Variants in GNPTAB observed in about 807,000 individuals in gnomAD.
GNPTAB encodes the protein N-acetylglucosamine-1-phosphotransferase subunits alpha/beta.
Under a neutral mutation model 136.6 loss-of-function variants are expected in GNPTAB, and 92 were observed. The ratio of observed to expected loss-of-function variants is 0.67; its 90% CI spans 0.57 to 0.80. GNPTAB has a LOEUF of 0.80. Ranked by LOEUF, GNPTAB falls within the 30% of genes least tolerant of loss-of-function variation. The probability of loss-of-function intolerance (pLI) is 0.00; values close to 1 mark genes in which losing one functional copy is unlikely to be tolerated. For missense variants in GNPTAB, 1,343 were observed against 1,501.8 expected, an observed-to-expected ratio of 0.89 and a Z score of 1.75; for synonymous variants, 512 against 535.1, an observed-to-expected ratio of 0.96 and a Z score of 0.60.
At chr12:101,813,602 A>G (rs1870348655) in intron 1 of GNPTAB, among the ~76,000 whole-genome samples, 1 of 152,248 alleles carries the variant, frequency 6.6e-6, no homozygotes, top group Non-Finnish European at 1.5e-5. Context: ...TTTGCGTGAT[A>G]GAGATACAAT....
At chr12:101,754,503 A>C (rs112303633) in intron 18 of GNPTAB, among the ~76,000 whole-genome samples, 48 of 152,276 alleles carry the variant, frequency 3.2e-4, no homozygotes, top group African/African-American at 1.1e-3. Context: ...AAAATCATGT[A>C]AATAATTGAG....
At chr12:101,747,295 A>G (rs1033018293) in intron 20 of GNPTAB, 54 bp from the exon 21 acceptor site, 20 of 1,026,120 alleles carry the variant, frequency 1.9e-5, no homozygotes, top group South Asian at 6.4e-5. Context: ...ATGAAAGAAT[A>G]TAAGTGCATC....
At chr12:101,825,303 C>G (rs1871033023) in intron 1 of GNPTAB, among the ~76,000 whole-genome samples, 1 of 152,164 alleles carries the variant, frequency 6.6e-6, no homozygotes, top group African/African-American at 2.4e-5. Flanking sequence ...AACAACAGGT[C>G]TCAGATTTTT....
rs12316297 is a variant in GNPTAB, at chr12:101,781,868, G to A, written c.572-1247C>T. On this transcript the variant is annotated intron_variant, in intron 5 of 20. Transcript: ENST00000299314. ...ATTCTACCTAACAGACCTGGTATAT[G>A]TATTTGTAATCTCAGCAAAGTAGCT... Among the ~76,000 whole-genome samples the A allele has an allele frequency of 0.026, 3,972 of 152,254 alleles. 354 individuals are homozygous for A. In the East Asian group the frequency reaches 0.31, roughly 12 times the overall value.
chr12:101,827,335 A>C (rs1026365050), intron 1 of GNPTAB, among the ~76,000 whole-genome samples: 1 of 152,028 alleles, frequency 6.6e-6, no homozygotes, highest in African/African-American at 2.4e-5. Context: ...TCCTGAGCTC[A>C]AGCAATTCTC....
chr12:101,786,183 T>C lies in GNPTAB; in HGVS notation c.400A>G (p.Ile134Val). The C allele has an allele frequency of 1.9e-6, 3 of 1,613,930 alleles. No homozygotes were observed. The highest frequency in any genetic ancestry group is 1.1e-5 in the South Asian group (1 of 91,042). Reference protein sequence around the residue: ...KQLECLLTHCIKVPMLVLDPA... With the variant: ...KQLECLLTHCVKVPMLVLDPA... ...TCCAGGACAAGCATTGGCACCTTAA[T>C]GCAGTGTGTTAGCAAACACTCTAAC... Residue 134 changes from isoleucine (I) to valine (V), a missense_variant, in exon 5 of 21, where the codon ATT (isoleucine) becomes GTT (valine). Physicochemically the swap from Ile to Val is conservative, Grantham distance 29. Transcript: ENST00000299314.
chr12:101,826,950 G>GTTTTTT lies in GNPTAB; in HGVS notation c.117+3603_117+3608dup, dbSNP rs902178707. Among the ~76,000 whole-genome samples, 23 of 62,358 alleles carry GTTTTTT rather than the reference G, an allele frequency of 3.7e-4. 3 individuals carry two copies. Among genetic ancestry groups the GTTTTTT allele is most frequent in the East Asian group, 4.8e-4 (1 of 2,078 alleles). 40.9% of individuals were successfully genotyped at this position (62,358 alleles called of 152,430 possible). On this transcript the variant is annotated intron_variant, in intron 1 of 20. Transcript: ENST00000299314. ...TCTGAAGGCTCTCCCTGTGGGAGTT[G>GTTTTTT]TTTTTTTTTTTTTTTTTTTTTTTTT...
chr12:101,746,175 A>C lies in GNPTAB; in HGVS notation c.*989T>G, dbSNP rs1421069007. The C allele has an allele frequency of 6.6e-6, 1 of 152,234 alleles. No individual in the cohort carries two copies. The highest frequency in any genetic ancestry group is 1.5e-5 in the Non-Finnish European group (1 of 68,040). The allele number at this position is 152,234 out of a possible 1,614,324, so 9.4% of individuals were successfully genotyped here. A position where few individuals can be genotyped will look rare whatever the true frequency, so the allele number is the denominator to read the frequency against. Reference sequence around the variant, plus strand: ...TACATTTTTAGAGGGTTGTTTGAAAAAAAACAAACTAAACAACAGCAAGAA... The same window carrying C: ...TACATTTTTAGAGGGTTGTTTGAAACAAAACAAACTAAACAACAGCAAGAA... On this transcript the variant is annotated 3_prime_UTR_variant, in exon 21 of 21. Transcript: ENST00000299314.
chr12:101,777,786 C>T (rs1301632761), intron 7 of GNPTAB, among the ~76,000 whole-genome samples: 2 of 152,174 alleles, frequency 1.3e-5, no homozygotes, highest in African/African-American at 2.4e-5. Flanking sequence ...GCAAGTCACT[C>T]GAGGCCTGGA....
At position 101,770,077 on chromosome 12, in the gene GNPTAB, T is replaced by C; in HGVS notation, c.1228A>G (p.Met410Val). ...QKFIYLNDDV[M>V]FGKDVWPDDF... ...TCTGGCCAGACATCCTTCCCAAACA[T>C]GACATCATCATTTAGGTAAATAAAC... The change falls in exon 10 of 21, where the codon ATG (methionine) becomes GTG (valine). Residue 410 changes from methionine to valine, a missense_variant. Transcript: ENST00000299314. The C allele has an allele frequency of 6.2e-7, 1 of 1,614,142 alleles. No individual in the cohort carries two copies. Among genetic ancestry groups the C allele is most frequent in the Non-Finnish European group, 8.5e-7 (1 of 1,180,012 alleles).
chr12:101,765,734 A>T, intron 12 of GNPTAB: 1 of 334,538 alleles, frequency 3.0e-6, no homozygotes, highest in South Asian at 2.9e-5. Context: ...TGCCAAAACA[A>T]ACTCCATTAA....
chr12:101,775,993 C>A (rs1953257817), intron 7 of GNPTAB, among the ~76,000 whole-genome samples: 1 of 152,114 alleles, frequency 6.6e-6, no homozygotes, highest in Non-Finnish European at 1.5e-5. Context: ...AAAACTTCCC[C>A]CATGTCTCTG....
intron 10 of GNPTAB, among the ~76,000 whole-genome samples, chr12:101,769,024 G>T (rs531461949): frequency 1.3e-5 from 2 of 152,210 alleles, no homozygotes; most frequent in African/African-American, 2.4e-5. Context: ...CTCAATAGGG[G>T]AACAGGAGAA....
chr12:101,764,362 ATTTTC>A lies in GNPTAB; in HGVS notation c.2550_2554del (p.Lys850AsnfsTer10), dbSNP rs281864996. ...ACTGTTCTCTTTTTCTTTCCCTGTG[ATTTTC>A]TTTTCTTTTGTCATCTGGCTTTCCA... On this transcript the variant is annotated frameshift_variant, in exon 13 of 21. Coordinates refer to ENST00000299314, the MANE Select transcript of GNPTAB (RefSeq NM_024312.5). LOFTEE classifies it high-confidence loss of function. 12 of 1,613,334 alleles carry A rather than the reference ATTTTC, an allele frequency of 7.4e-6. No homozygotes were observed. The highest frequency in any genetic ancestry group is 5.5e-5 in the South Asian group (5 of 91,046).
At position 101,770,047 on chromosome 12, in the gene GNPTAB, A is replaced by C. The variant is rs1033673193; in HGVS notation, c.1258T>G (p.Phe420Val). 9.9e-6 allele frequency: 16 copies of C among 1,614,002 alleles called. No individual in the cohort carries two copies. The highest frequency in any genetic ancestry group is 1.3e-5 in the Non-Finnish European group (15 of 1,180,036). ...MFGKDVWPDD[F>V]YSHSKGQKVY... ...TTCTGGCCTTTGGAGTGACTGTAAA[A>C]ATCATCTGGCCAGACATCCTTCCCA... The change falls in exon 10 of 21, where the codon TTT (phenylalanine) becomes GTT (valine). Residue 420 changes from phenylalanine to valine, a missense_variant. Phe to Val is a conservative substitution (Grantham distance 50). Coordinates refer to ENST00000299314, the MANE Select transcript of GNPTAB (RefSeq NM_024312.5).
intron 18 of GNPTAB, 189 bp downstream of exon 18, chr12:101,757,023 T>C: frequency 1.8e-6 from 1 of 555,418 alleles, no homozygotes. Context: ...AAGTTCAGGC[T>C]CATCCCTCTG....
intron 1 of GNPTAB, among the ~76,000 whole-genome samples, chr12:101,818,667 G>A (rs915414592): frequency 3.3e-5 from 5 of 152,062 alleles, no homozygotes; most frequent in Admixed American, 2.0e-4. Context: ...CTGAGCCACC[G>A]TGCCCAGCCC....
At position 101,758,237 on chromosome 12, in the gene GNPTAB, C is replaced by A. The variant is rs147454688; in HGVS notation, c.3250-580G>T. ...TATTTTTAGTAGATACAGGGTTTCA[C>A]CATGTTAGCTAGGCTGGTCTCGAAC... On this transcript the variant is annotated intron_variant, in intron 16 of 20. Coordinates refer to ENST00000299314, the MANE Select transcript of GNPTAB (RefSeq NM_024312.5). Among the ~76,000 whole-genome samples, 899 of 152,308 alleles carry A rather than the reference C, an allele frequency of 5.9e-3. 3 individuals are homozygous for A. The highest frequency in any genetic ancestry group is 0.017 in the Middle Eastern group (5 of 294).
At chr12:101,811,615 G>A (rs1422961761) in intron 1 of GNPTAB, among the ~76,000 whole-genome samples, 2 of 151,280 alleles carry the variant, frequency 1.3e-5, no homozygotes, top group Non-Finnish European at 2.9e-5. Flanking sequence ...GAGGAAGAGA[G>A]CAAAGGAGGA....
Sources: gnomAD v4.1 joint callset for allele counts (sites outside exome capture counted in the v4.1 genomes callset) on GRCh38, gnomAD v4.1.1 for gene constraint, MANE v1.5 for transcripts, NCBI Gene and HGNC (gene_info 2026-07-23, HGNC 2026-07-21) for gene names.